Variants in ASTN2 observed in about 807,000 individuals in gnomAD.
ASTN2 encodes astrotactin-2.
ASTN2 carries 54 observed loss-of-function variants against 139.8 expected under a neutral mutation model. The ratio of observed to expected loss-of-function variants is 0.39; its 90% CI spans 0.31 to 0.48. ASTN2 has a LOEUF of 0.48. Ranked by LOEUF, ASTN2 falls within the 20% of genes least tolerant of loss-of-function variation. The probability of loss-of-function intolerance (pLI) is 0.95; values close to 1 mark genes in which losing one functional copy is unlikely to be tolerated. For synonymous variants in ASTN2, 756 were observed against 719.5 expected (o/e 1.05, Z -0.81); for missense variants, 1,565 against 1,725.1 (o/e 0.91, Z 1.64).
intron 10 of ASTN2, among the ~76,000 whole-genome samples, chr9:116,878,258 T>C (rs1369523928): frequency 6.6e-6 from 1 of 152,236 alleles, no homozygotes; most frequent in Non-Finnish European, 1.5e-5. Flanking sequence ...GGCATGTGTA[T>C]GTTCATTGCA....
At chr9:117,225,689 G>A (rs1320747663) in intron 2 of ASTN2, among the ~76,000 whole-genome samples, 1 of 150,468 alleles carries the variant, frequency 6.6e-6, no homozygotes, top group Non-Finnish European at 1.5e-5. Context: ...TTTTTACTCT[G>A]CCACCTACCA....
intron 3 of ASTN2, among the ~76,000 whole-genome samples, chr9:117,186,100 C>T (rs1831189539): frequency 6.6e-6 from 1 of 152,154 alleles, no homozygotes; most frequent in Non-Finnish European, 1.5e-5. Flanking sequence ...TTACCAGAGC[C>T]TCCTCTGCTT....
At chr9:116,643,425 T>C (rs760290083) in intron 17 of ASTN2, among the ~76,000 whole-genome samples, 1 of 152,210 alleles carries the variant, frequency 6.6e-6, no homozygotes, top group Non-Finnish European at 1.5e-5. Context: ...AAAGCAGTTA[T>C]AGATGATACG....
At chr9:117,374,369 T>TAAAA (rs57428022) in intron 1 of ASTN2, among the ~76,000 whole-genome samples, 14 of 87,302 alleles carry the variant, frequency 1.6e-4, no homozygotes, top group African/African-American at 2.8e-4. Flanking sequence ...AGGGCAGGGT[T>TAAAA]AAAAAAAAAA....
At chr9:117,412,821 G>C (rs1479180265) in intron 1 of ASTN2, among the ~76,000 whole-genome samples, 1 of 152,224 alleles carries the variant, frequency 6.6e-6, no homozygotes, top group Non-Finnish European at 1.5e-5. Context: ...CCCACGGGGA[G>C]GTGGCAAGAG....
intron 19 of ASTN2, among the ~76,000 whole-genome samples, chr9:116,523,933 G>A (rs1184529893): frequency 1.3e-5 from 2 of 152,136 alleles, no homozygotes; most frequent in Non-Finnish European, 2.9e-5. Context: ...TTCTCTCAGG[G>A]GTTACAGATG....
At chr9:117,101,279 A>G (rs955326916) in intron 4 of ASTN2, among the ~76,000 whole-genome samples, 2 of 152,130 alleles carry the variant, frequency 1.3e-5, no homozygotes, top group African/African-American at 4.8e-5. Flanking sequence ...TTACAGTCTG[A>G]CTTGGAGGTG....
At chr9:116,515,166 C>T (rs1339163805) in intron 19 of ASTN2, among the ~76,000 whole-genome samples, 1 of 152,128 alleles carries the variant, frequency 6.6e-6, no homozygotes, top group Non-Finnish European at 1.5e-5. Flanking sequence ...TAAACATGCT[C>T]CCCGATAAGG....
At chr9:117,394,903 T>A (rs894592586) in intron 1 of ASTN2, among the ~76,000 whole-genome samples, 3 of 152,096 alleles carry the variant, frequency 2.0e-5, no homozygotes, top group Non-Finnish European at 2.9e-5. Flanking sequence ...TTGGGAATGA[T>A]TCTTCAAGTA....
At chr9:116,545,316 GA>G (rs1185707450) in intron 19 of ASTN2, among the ~76,000 whole-genome samples, 25 of 152,320 alleles carry the variant, frequency 1.6e-4, no homozygotes, top group Admixed American at 1.3e-3. Context: ...CTCAAAATTG[GA>G]AAATGAACTG....
At chr9:117,241,534 T>C (rs1397159702) in intron 2 of ASTN2, among the ~76,000 whole-genome samples, 1 of 152,150 alleles carries the variant, frequency 6.6e-6, no homozygotes, top group Non-Finnish European at 1.5e-5. Flanking sequence ...TCATCAGGCA[T>C]GAGTTGGATT....
intron 4 of ASTN2, among the ~76,000 whole-genome samples, chr9:117,113,639 A>G (rs1377046412): frequency 6.6e-6 from 1 of 151,626 alleles, no homozygotes; most frequent in Non-Finnish European, 1.5e-5. Context: ...CTGGGCAACA[A>G]GAGCAAAACT....
chr9:117,356,096 T>C (rs958338453), intron 1 of ASTN2, among the ~76,000 whole-genome samples: 8 of 152,184 alleles, frequency 5.3e-5, no homozygotes, highest in Non-Finnish European at 7.4e-5. Context: ...ATTTTGTCTA[T>C]GCACAAATCC....
intron 1 of ASTN2, among the ~76,000 whole-genome samples, chr9:117,400,614 G>A (rs1357062317): frequency 6.6e-6 from 1 of 152,174 alleles, no homozygotes; most frequent in African/African-American, 2.4e-5. Flanking sequence ...TGCAAGACTG[G>A]GCTTGAAAAC....
intron 6 of ASTN2, among the ~76,000 whole-genome samples, chr9:117,016,157 C>A (rs1487834992): frequency 6.6e-6 from 1 of 152,046 alleles, no homozygotes; most frequent in Admixed American, 6.6e-5. Context: ...TATAATCAGA[C>A]CCTTTTGCAG....
intron 17 of ASTN2, among the ~76,000 whole-genome samples, chr9:116,624,862 G>GAA (rs572011350): frequency 6.4e-5 from 9 of 140,950 alleles, no homozygotes; most frequent in African/African-American, 2.1e-4. Context: ...GCTTTCTAGA[G>GAA]AAAAAAAAAA....
At chr9:117,352,742 C>A (rs1200905017) in intron 1 of ASTN2, among the ~76,000 whole-genome samples, 1 of 151,970 alleles carries the variant, frequency 6.6e-6, no homozygotes, top group East Asian at 1.9e-4. Context: ...CATCGCTCGG[C>A]CAAAAGGTAA....
intron 10 of ASTN2, among the ~76,000 whole-genome samples, chr9:116,946,770 TG>T (rs1835405868): frequency 6.6e-6 from 1 of 151,338 alleles, no homozygotes; most frequent in Non-Finnish European, 1.5e-5. Context: ...AGGAAAAGGG[TG>T]GGGAGGATGA....
chr9:116,969,025 G>A (rs926362285), intron 10 of ASTN2, among the ~76,000 whole-genome samples: 1 of 152,062 alleles, frequency 6.6e-6, no homozygotes, highest in African/African-American at 2.4e-5. Flanking sequence ...TACCTGTCCT[G>A]CTTTTTCACT....
Sources: allele counts gnomAD v4.1 joint callset (sites outside exome capture counted in the v4.1 genomes callset), GRCh38; gene constraint gnomAD v4.1.1; transcripts MANE v1.5; gene names NCBI Gene and HGNC (gene_info 2026-07-23, HGNC 2026-07-21).